Variants in GPATCH2 observed in about 807,000 individuals in gnomAD.
GPATCH2 encodes G patch domain-containing protein 2.
A neutral mutation model predicts 58.0 loss-of-function variants in GPATCH2; 51 were observed. The ratio of observed to expected loss-of-function variants is 0.88; its 90% CI spans 0.70 to 1.11. The LOEUF (loss-of-function observed/expected upper bound fraction) is 1.11. GPATCH2 is among the 50% of genes most tolerant of loss of function. The pLI is 0.00. For synonymous variants in GPATCH2, 222 were observed against 218.5 expected (o/e 1.02, Z -0.14); for missense variants, 625 against 652.2 (o/e 0.96, Z 0.45).
In GPATCH2 at chr1:217,438,232, C is replaced by A. The variant is rs140859210; in HGVS notation, c.1367-6867G>T. ...GCACAGAAACCCCATCTGAAGGTCA[C>A]CAACATCAAAGACCAAAGGTAGATA... On this transcript the variant is annotated intron_variant, in intron 9 of 9. Transcript: ENST00000366935. Among the ~76,000 whole-genome samples, 794 of 152,206 alleles carry A rather than the reference C, an allele frequency of 5.2e-3. 7 individuals carry two copies. The highest frequency in any genetic ancestry group is 0.018 in the African/African-American group (742 of 41,548).
chr1:217,619,129 C>T (rs192033268), intron 2 of GPATCH2, among the ~76,000 whole-genome samples: 1 of 152,264 alleles, frequency 6.6e-6, no homozygotes, highest in East Asian at 1.9e-4. Context: ...CAAGTAGCAT[C>T]ACTTCATCAT....
At chr1:217,454,732 C>T (rs921949545) in intron 8 of GPATCH2, among the ~76,000 whole-genome samples, 102 of 151,732 alleles carry the variant, frequency 6.7e-4, no homozygotes, top group African/African-American at 1.8e-3. Context: ...CATACCTCAG[C>T]ACCACGCCCA....
At chr1:217,623,799 G>C (rs1263616229) in intron 1 of GPATCH2, among the ~76,000 whole-genome samples, 1 of 152,090 alleles carries the variant, frequency 6.6e-6, no homozygotes. Flanking sequence ...CGACTCGGGA[G>C]GCTGAGGCAG....
At chr1:217,490,247 T>C (rs936036291) in intron 8 of GPATCH2, among the ~76,000 whole-genome samples, 1 of 152,212 alleles carries the variant, frequency 6.6e-6, no homozygotes, top group Non-Finnish European at 1.5e-5. Flanking sequence ...TGATATATCA[T>C]TGTCATTCCT....
intron 5 of GPATCH2, among the ~76,000 whole-genome samples, chr1:217,578,126 AT>A (rs1666896553): frequency 1.4e-5 from 2 of 138,968 alleles, no homozygotes; most frequent in Non-Finnish European, 1.6e-5. Flanking sequence ...GGCAAATTTG[AT>A]TTAATGGCTG....
intron 6 of GPATCH2, among the ~76,000 whole-genome samples, chr1:217,500,757 T>C (rs1258473271): frequency 1.3e-5 from 2 of 152,074 alleles, no homozygotes; most frequent in Admixed American, 1.3e-4. Context: ...TTTGTTTTTT[T>C]TCTCTCTCTG....
chr1:217,442,306 A>G (rs1659178779), intron 9 of GPATCH2, among the ~76,000 whole-genome samples: 1 of 152,154 alleles, frequency 6.6e-6, no homozygotes, highest in Non-Finnish European at 1.5e-5. Context: ...ACACATGGAC[A>G]CAGGGAGGGG....
chr1:217,620,914 A>G (rs1209216961), intron 1 of GPATCH2, among the ~76,000 whole-genome samples: 1 of 152,224 alleles, frequency 6.6e-6, no homozygotes, highest in African/African-American at 2.4e-5. Flanking sequence ...AAAAAAAGAA[A>G]CATGAAATCT....
intron 9 of GPATCH2, among the ~76,000 whole-genome samples, chr1:217,440,477 C>T (rs1030519226): frequency 6.6e-6 from 1 of 152,202 alleles, no homozygotes; most frequent in East Asian, 1.9e-4. Context: ...TCTCTCACCA[C>T]TCCTATTCAA....
At chr1:217,519,244 A>C (rs1251989613) in intron 5 of GPATCH2, among the ~76,000 whole-genome samples, 1 of 152,242 alleles carries the variant, frequency 6.6e-6, no homozygotes, top group African/African-American at 2.4e-5. Flanking sequence ...AGTTTGAGGA[A>C]TGAATAAAAT....
chr1:217,444,633 T>C (rs1339893462), intron 9 of GPATCH2, among the ~76,000 whole-genome samples: 1 of 151,858 alleles, frequency 6.6e-6, no homozygotes, highest in Non-Finnish European at 1.5e-5. Context: ...AACCGAAGAG[T>C]GGGCTGGTGG....
intron 7 of GPATCH2, among the ~76,000 whole-genome samples, chr1:217,495,832 C>G (rs1661978044): frequency 6.6e-6 from 1 of 152,012 alleles, no homozygotes; most frequent in African/African-American, 2.4e-5. Flanking sequence ...AGTTATTTAA[C>G]AAATGTATAG....
intron 6 of GPATCH2, among the ~76,000 whole-genome samples, chr1:217,499,920 A>G (rs1364361431): frequency 6.6e-6 from 1 of 152,122 alleles, no homozygotes; most frequent in Non-Finnish European, 1.5e-5. Flanking sequence ...CTATATTTCT[A>G]AAGAATATGG....
rs78929706 is a variant in GPATCH2, at chr1:217,476,412, C to T, written c.1277+15268G>A. On this transcript the variant is annotated intron_variant, in intron 8 of 9. Transcript: ENST00000366935. ...CACAAAGAAAGCTCATTCATAGCAA[C>T]CAAAAATCAGGTAAGGACTCACAAT... is the stretch of plus-strand genomic sequence containing the variant. Among the ~76,000 whole-genome samples, 304 of 152,132 alleles carry T rather than the reference C, an allele frequency of 2.0e-3. 6 individuals carry two copies. The East Asian group carries it at 0.052, about 26-fold the overall frequency.
intron 5 of GPATCH2, among the ~76,000 whole-genome samples, chr1:217,605,277 T>A (rs1668299607): frequency 6.6e-6 from 1 of 152,202 alleles, no homozygotes; most frequent in Non-Finnish European, 1.5e-5. Context: ...TACAAATTAT[T>A]GTGTTCAGGG....
chr1:217,585,867 T>C (rs1164622182), intron 5 of GPATCH2, among the ~76,000 whole-genome samples: 1 of 152,194 alleles, frequency 6.6e-6, no homozygotes, highest in Non-Finnish European at 1.5e-5. Flanking sequence ...CTAGGCTATA[T>C]GGTATAGCCT....
Position 217,433,388 on chromosome 1 carries a change from ATT to A in GPATCH2, c.1367-2025_1367-2024del, listed in dbSNP as rs1558388573. 9.9e-3 allele frequency among the ~76,000 whole-genome samples: 557 copies of A among 56,242 alleles called. 5 individuals carry two copies. Among genetic ancestry groups the A allele is most frequent in the Middle Eastern group, 0.089 (5 of 56 alleles). 36.9% of individuals were successfully genotyped at this position (56,242 alleles called of 152,430 possible). ...TATATATATATATATATATATATTT[ATT>A]TATTTATTTATTTATTTATTTATTT... On this transcript the variant is annotated intron_variant, in intron 9 of 9. Transcript: ENST00000366935.
chr1:217,601,777 C>T (rs1668119077), intron 5 of GPATCH2, among the ~76,000 whole-genome samples: 1 of 152,132 alleles, frequency 6.6e-6, no homozygotes, highest in Non-Finnish European at 1.5e-5. Context: ...CTAACACTTA[C>T]CCTGCTTAAT....
intron 8 of GPATCH2, among the ~76,000 whole-genome samples, chr1:217,450,249 C>A (rs1034914445): frequency 1.3e-5 from 2 of 151,860 alleles, no homozygotes; most frequent in Non-Finnish European, 2.9e-5. Context: ...TTTATGACAA[C>A]CCATGTTCTT....
Sources: allele counts gnomAD v4.1 joint callset (sites outside exome capture counted in the v4.1 genomes callset), GRCh38; gene constraint gnomAD v4.1.1; transcripts MANE v1.5; gene names NCBI Gene and HGNC (gene_info 2026-07-23, HGNC 2026-07-21).